The following LRCOL1 variants were observed in gnomAD, a reference collection of about 807,000 sequenced individuals.
LRCOL1 encodes the protein leucine rich colipase like 1, also known as leucine-rich colipase-like protein 1.
A neutral mutation model predicts 21.6 loss-of-function variants in LRCOL1; 21 were observed. That is an observed-to-expected ratio of 0.97 (90% confidence interval 0.69 to 1.40). The LOEUF (loss-of-function observed/expected upper bound fraction) is 1.40. LRCOL1 is among the 40% of genes most tolerant of loss of function. The pLI, the probability that LRCOL1 is intolerant of heterozygous loss-of-function variation, is 0.00. For missense variants in LRCOL1, 198 were observed against 202.3 expected (o/e 0.98, Z 0.13); for synonymous variants, 98 against 90.1 (o/e 1.09, Z -0.49).
chr12:132,606,150 A>G lies in LRCOL1; in HGVS notation c.102T>C (p.His34=), dbSNP rs1384647048. The G allele has an allele frequency of 2.6e-6, 4 of 1,536,036 alleles. No homozygotes were observed. Among genetic ancestry groups the G allele is most frequent in the Non-Finnish European group, 3.5e-6 (4 of 1,146,874 alleles). Residue 34 remains histidine (H), a synonymous_variant, in exon 2 of 6, where the codon CAT becomes CAC. Transcript: ENST00000376608. The surrounding 1 kb of genome is among the most constrained non-coding windows in gnomAD (Gnocchi z 4.6). Reference sequence around the variant, plus strand: ...ATCAGGGGTGCCCGGCACCCACCTTATGGGACAGGTTCAACTTCTTCTGTG... The same window carrying G: ...ATCAGGGGTGCCCGGCACCCACCTTGTGGGACAGGTTCAACTTCTTCTGTG... The part of the protein sequence containing the change: ...YGPQKKLNLS[H]KGIGEPCRRH...
chr12:132,607,628 CCTCT>C (rs1566280051), intron 1 of LRCOL1, among the ~76,000 whole-genome samples: 1 of 146,570 alleles, frequency 6.8e-6, no homozygotes, highest in Non-Finnish European at 1.5e-5. Context: ...TCTGTCTCTC[CCTCT>C]GTCTCCCTCT....
At chr12:132,607,929 GTCTC>G in intron 1 of LRCOL1, among the ~76,000 whole-genome samples, 1 of 118,578 alleles carries the variant, frequency 8.4e-6, no homozygotes, top group South Asian at 2.8e-4. Context: ...GTCTCTCTCT[GTCTC>G]TCCCTCTCTT....
At chr12:132,608,365 C>G (rs75558832) in intron 1 of LRCOL1, among the ~76,000 whole-genome samples, 3,746 of 152,318 alleles carry the variant, frequency 0.025, 73 homozygotes, top group Middle Eastern at 0.048. Context: ...CCTGCCACTG[C>G]GTGAGCACCA....
rs1480638074 is a variant in LRCOL1 at position 132,604,753 on chromosome 12, G to A, written c.184C>T (p.Leu62Phe). The change falls in exon 3 of 6, where the codon CTC becomes TTC. Residue 62 changes from leucine to phenylalanine, a missense_variant. Leu to Phe is a conservative substitution (Grantham distance 22). Transcript: ENST00000376608. Reference sequence around the variant, plus strand: ...AGGAAGATGGTCTTAGGGGTGCAGAGCGTGTGTGGGGCCAGGCTGTTGATG... The same window carrying A: ...AGGAAGATGGTCTTAGGGGTGCAGAACGTGTGTGGGGCCAGGCTGTTGATG... ...CTINSLAPHT[L>F]CTPKTIFLQC... 22 of 1,536,182 alleles carry A rather than the reference G, an allele frequency of 1.4e-5. No homozygotes were observed. The highest frequency in any genetic ancestry group is 1.9e-5 in the Non-Finnish European group (22 of 1,146,920).
rs768260305 is a variant in LRCOL1, at chr12:132,604,493, C to A, written c.323G>T (p.Ser108Ile). Residue 108 changes from serine to isoleucine, a missense_variant, in exon 4 of 6, where the codon AGC becomes ATC. By Grantham distance (142) the Ser-to-Ile change is moderately radical (BLOSUM62 -2). Transcript: ENST00000376608. Reference protein sequence around the residue: ...NSPQELCTPQSVFLQCVPWRK... With the variant: ...NSPQELCTPQIVFLQCVPWRK... ...CCAGGGCACACACTGCAGGAAGACG[C>A]TTTGGGGCGTGCACAACTCCTGCGG... The A allele has an allele frequency of 2.5e-5, 39 of 1,536,042 alleles. No individual in the cohort carries two copies. Among genetic ancestry groups the A allele is most frequent in the Non-Finnish European group, 3.3e-5 (38 of 1,146,842 alleles).
Position 132,603,262 on chromosome 12 carries a change from C to A in LRCOL1, c.*140G>T. 1 of 1,325,794 alleles carries A rather than the reference C, an allele frequency of 7.5e-7. No individual in the cohort carries two copies. The highest frequency in any genetic ancestry group is 1.0e-6 in the Non-Finnish European group (1 of 969,644). 82.1% of individuals were successfully genotyped at this position (1,325,794 alleles called of 1,614,324 possible). A position where few individuals can be genotyped will look rare whatever the true frequency, so the allele number is the denominator to read the frequency against. On this transcript the variant is annotated 3_prime_UTR_variant, in exon 6 of 6. Coordinates refer to ENST00000376608, the MANE Select transcript of LRCOL1 (RefSeq NM_001195520.2). ...CCAGGCTGGTCACAGCCTTTCAGTT[C>A]CCACAGATTTTCAGAGCCCCAGAAA...
At chr12:132,610,049 T>C (rs1566281303) in intron 1 of LRCOL1, among the ~76,000 whole-genome samples, 1 of 152,240 alleles carries the variant, frequency 6.6e-6, no homozygotes, top group Non-Finnish European at 1.5e-5. Context: ...CGTAAGACCC[T>C]GGGGCTGGTG....
At chr12:132,607,456 G>A (rs1446046885) in intron 1 of LRCOL1, among the ~76,000 whole-genome samples, 1 of 152,218 alleles carries the variant, frequency 6.6e-6, no homozygotes, top group Non-Finnish European at 1.5e-5. Flanking sequence ...TAAGATGAAG[G>A]GCGAATATGA....
chr12:132,604,342 C>T lies in LRCOL1; in HGVS notation c.389G>A (p.Cys130Tyr), dbSNP rs1319059045. The T allele has an allele frequency of 2.0e-6, 3 of 1,535,882 alleles. No homozygotes were observed. Among genetic ancestry groups the T allele is most frequent in the Non-Finnish European group, 2.6e-6 (3 of 1,146,814 alleles). ...NGDFCSSHQE[C>Y]HSQCCIQLRE... ...CAGCTGGATGCAGCACTGGCTGTGA[C>T]ACTCCTGATGGCTGCTGCAGAAGTC... Residue 130 changes from cysteine to tyrosine, a missense_variant, in exon 5 of 6, where the codon TGT becomes TAT. Transcript: ENST00000376608.
At position 132,604,050 on chromosome 12, in the gene LRCOL1, C is replaced by T. The variant is rs551947009; in HGVS notation, c.477+204G>A. 11 of 1,403,322 alleles carry T rather than the reference C, an allele frequency of 7.8e-6. 1 individual carries two copies. In the African/African-American group the frequency reaches 1.5e-4, roughly 19 times the overall value. 86.9% of individuals were successfully genotyped at this position (1,403,322 alleles called of 1,614,324 possible). A position where few individuals can be genotyped will look rare whatever the true frequency, so the allele number is the denominator to read the frequency against. On this transcript the variant is annotated intron_variant, in intron 5 of 5. Coordinates refer to ENST00000376608, the MANE Select transcript of LRCOL1 (RefSeq NM_001195520.2). Reference sequence around the variant, plus strand: ...CCCGTGCCCTGCGGGGCCTGGTGGGCTCAGTGCCAGCCCAGGAGCCTTCTC... The same window carrying T: ...CCCGTGCCCTGCGGGGCCTGGTGGGTTCAGTGCCAGCCCAGGAGCCTTCTC...
chr12:132,604,054 G>A (rs1478113847), intron 5 of LRCOL1, 200 bp downstream of exon 5: 35 of 1,410,570 alleles, frequency 2.5e-5, no homozygotes, highest in Non-Finnish European at 3.1e-5. Flanking sequence ...GGTGGGCTCA[G>A]TGCCAGCCCA....
In LRCOL1 at chr12:132,603,415, A is replaced by C. The variant is rs1163902556; in HGVS notation, c.478-11T>G. 1 of 1,536,222 alleles carries C rather than the reference A, an allele frequency of 6.5e-7. No individual in the cohort carries two copies. The highest frequency in any genetic ancestry group is 8.7e-7 in the Non-Finnish European group (1 of 1,146,896). ...TTCGAGCTCACATCACTGAAGGAGA[A>C]GCCAAAGCTGAGGAAACGTGCAGGG... is the stretch of plus-strand genomic sequence containing the variant. On this transcript the variant is annotated splice_polypyrimidine_tract_variant and intron_variant, in intron 5 of 5. Transcript: ENST00000376608.
chr12:132,604,357 C>T lies in LRCOL1; in HGVS notation c.374G>A (p.Ser125Asn). 6.5e-7 allele frequency: 1 copy of T among 1,535,762 alleles called. No individual in the cohort carries two copies. The highest frequency in any genetic ancestry group is 1.2e-5 in the South Asian group (1 of 84,050). ...PWRKPNGDFC[S>N]SHQECHSQCC... ...CTGGCTGTGACACTCCTGATGGCTG[C>T]TGCAGAAGTCGCCGTTGGGCTGGGG... is the stretch of plus-strand genomic sequence containing the variant. Residue 125 changes from serine (S) to asparagine (N), a missense_variant, in exon 5 of 6, where the codon AGC (serine) becomes AAC (asparagine). Transcript: ENST00000376608.
chr12:132,606,222 T>C lies in LRCOL1; in HGVS notation c.30A>G (p.Leu10=), dbSNP rs1171432583. Residue 10 remains leucine, a synonymous_variant, in exon 2 of 6, where the codon CTA becomes CTG. Coordinates refer to ENST00000376608, the MANE Select transcript of LRCOL1 (RefSeq NM_001195520.2). The surrounding 1 kb of genome is among the most constrained non-coding windows in gnomAD (Gnocchi z 4.6). Reference sequence around the variant, plus strand: ...CCAGCAGCAGCAGCAGCAGCAGCAGTAGCAGCAGCGTCCACCCCGGGCCGG... The same window carrying C: ...CCAGCAGCAGCAGCAGCAGCAGCAGCAGCAGCAGCGTCCACCCCGGGCCGG... MAGPGWTLL[L]LLLLLLLLGS... 6 of 1,535,932 alleles carry C rather than the reference T, an allele frequency of 3.9e-6. No individual in the cohort carries two copies. Among genetic ancestry groups the C allele is most frequent in the African/African-American group, 2.7e-5 (2 of 72,782 alleles).
chr12:132,604,822 C>T lies in LRCOL1; in HGVS notation c.115G>A (p.Glu39Lys), dbSNP rs1207612984. The stretch of plus-strand genomic sequence containing the variant: ...CACTCCTCGTGTCTCCTGCATGGCT[C>T]CCCGATGCCCTGAAACACCACTCAC... ...KLNLSHKGIG[E>K]PCRRHEECQS... Residue 39 changes from glutamate to lysine, a missense_variant, in exon 3 of 6, where the codon GAG becomes AAG. Physicochemically the swap from Glu to Lys is moderately conservative, Grantham distance 56. Coordinates refer to ENST00000376608, the MANE Select transcript of LRCOL1 (RefSeq NM_001195520.2). The T allele has an allele frequency of 5.9e-6, 9 of 1,535,704 alleles. No homozygotes were observed. The highest frequency in any genetic ancestry group is 1.7e-4 in the Middle Eastern group (1 of 6,010).
At chr12:132,603,503 C>T (rs2041253509) in intron 5 of LRCOL1, 99 bp from the exon 6 acceptor site, 4 of 1,534,436 alleles carry the variant, frequency 2.6e-6, no homozygotes, top group Non-Finnish European at 2.6e-6. Flanking sequence ...TCTCCCGGCA[C>T]CAGCCTCGTG....
intron 3 of LRCOL1, 33 bp downstream of exon 3, chr12:132,604,673 G>A (rs773570171): frequency 1.0e-5 from 16 of 1,528,002 alleles, no homozygotes; most frequent in Admixed American, 5.9e-5. Context: ...AGGCAGTCTC[G>A]CTCCTCCACC....
At chr12:132,603,914 T>C in intron 5 of LRCOL1, 1 of 1,202,318 alleles carries the variant, frequency 8.3e-7, no homozygotes, top group African/African-American at 1.6e-5. Flanking sequence ...CCAGGGCTGG[T>C]GAGGCTGTTC....
chr12:132,607,511 C>T (rs554304670), intron 1 of LRCOL1, among the ~76,000 whole-genome samples: 1 of 152,368 alleles, frequency 6.6e-6, no homozygotes, highest in South Asian at 2.1e-4. Context: ...CCTCGGCTCC[C>T]TCACCCCGTG....
Sources: gnomAD v4.1 joint callset for allele counts (sites outside exome capture counted in the v4.1 genomes callset) on GRCh38, gnomAD v4.1.1 for gene constraint, Gnocchi (gnomAD v3.1) non-coding constraint, MANE v1.5 for transcripts, NCBI Gene and HGNC (gene_info 2026-07-23, HGNC 2026-07-21) for gene names.